FOCAD: variants seen among roughly 807,000 people sequenced by gnomAD.
FOCAD encodes the protein KIAA1797.
FOCAD carries 198 observed loss-of-function variants against 225.6 expected under a neutral mutation model. The observed-to-expected ratio is 0.88, with a 90% CI of 0.78 to 0.99. FOCAD has a LOEUF of 0.99. Ranked by LOEUF, FOCAD falls within the 50% of genes least tolerant of loss-of-function variation. The pLI, the probability that FOCAD is intolerant of heterozygous loss-of-function variation, is 0.00. For missense variants in FOCAD, 2,713 were observed against 2,123.6 expected, an observed-to-expected ratio of 1.28 and a Z score of -5.46; for synonymous variants, 897 against 755.0, an observed-to-expected ratio of 1.19 and a Z score of -3.08.
upstream of FOCAD, among the ~76,000 whole-genome samples, chr9:20,682,224 T>C (rs887915558): frequency 6.6e-6 from 1 of 152,226 alleles, no homozygotes; most frequent in African/African-American, 2.4e-5. Flanking sequence ...GTTTATAAAT[T>C]ACCCAGTCTA....
intron 35 of FOCAD, among the ~76,000 whole-genome samples, chr9:20,971,590 C>G (rs1369876275): frequency 6.6e-6 from 1 of 152,026 alleles, no homozygotes; most frequent in Non-Finnish European, 1.5e-5. Flanking sequence ...CAGGCATGCA[C>G]CACCATGCCC....
chr9:20,720,255 C>A, intron 3 of FOCAD, 125 bp from the exon 4 acceptor site: 1 of 899,380 alleles, frequency 1.1e-6, no homozygotes, highest in Non-Finnish European at 1.7e-6. Context: ...GTGACAACAG[C>A]ATCATCTTTA....
intron 15 of FOCAD, among the ~76,000 whole-genome samples, chr9:20,833,932 A>G (rs1825747233): frequency 6.6e-6 from 1 of 152,148 alleles, no homozygotes. Context: ...AGCATTATGC[A>G]GTTTCTTATA....
At chr9:20,845,442 G>GAGATATATATATATAT (rs368497237) in intron 15 of FOCAD, among the ~76,000 whole-genome samples, 47 of 121,252 alleles carry the variant, frequency 3.9e-4, no homozygotes, top group African/African-American at 1.1e-3. Flanking sequence ...TCTTTTCCTC[G>GAGATATATATATATAT]ATATATATAT....
chr9:20,811,212 AG>A (rs1823032425), intron 11 of FOCAD, among the ~76,000 whole-genome samples: 1 of 152,090 alleles, frequency 6.6e-6, no homozygotes, highest in Non-Finnish European at 1.5e-5. Context: ...AAGGTCTATG[AG>A]ATGTCATCCC....
intron 15 of FOCAD, among the ~76,000 whole-genome samples, chr9:20,853,699 G>C (rs748613524): frequency 2.6e-5 from 4 of 151,688 alleles, no homozygotes; most frequent in Non-Finnish European, 5.9e-5. Context: ...TTATAAGTGA[G>C]TTTTAAAAAG....
chr9:20,795,441 T>C (rs1159450311), intron 11 of FOCAD, among the ~76,000 whole-genome samples: 7 of 152,032 alleles, frequency 4.6e-5, no homozygotes, highest in Non-Finnish European at 1.5e-5. Context: ...AGACCTGAAA[T>C]TGAAAATTAA....
At chr9:20,990,659 G>A (rs1160254385) in intron 42 of FOCAD, among the ~76,000 whole-genome samples, 2 of 152,208 alleles carry the variant, frequency 1.3e-5, no homozygotes, top group African/African-American at 4.8e-5. Flanking sequence ...CTTGATCCTG[G>A]GGAGGAAAGG....
intron 15 of FOCAD, among the ~76,000 whole-genome samples, chr9:20,854,450 A>G (rs1543677): frequency 0.19 from 28,551 of 151,566 alleles, 3,306 homozygotes; most frequent in Non-Finnish European, 0.26. Flanking sequence ...AGCTGGGGAA[A>G]GAGTTTGAGG....
intron 2 of FOCAD, among the ~76,000 whole-genome samples, chr9:20,678,577 C>T (rs1420246568): frequency 2.0e-5 from 3 of 152,064 alleles, no homozygotes; most frequent in Non-Finnish European, 4.4e-5. Context: ...CTCTTTTTGC[C>T]CCTTCACAGT....
intron 21 of FOCAD, among the ~76,000 whole-genome samples, chr9:20,901,394 T>C (rs1202411273): frequency 6.6e-6 from 1 of 151,932 alleles, no homozygotes; most frequent in East Asian, 1.9e-4. Flanking sequence ...CTTAGTTTAC[T>C]TGTCAATTTT....
chr9:20,687,050 T>G (rs1822711728), intron 1 of FOCAD, among the ~76,000 whole-genome samples: 1 of 152,094 alleles, frequency 6.6e-6, no homozygotes, highest in South Asian at 2.1e-4. Flanking sequence ...AAAATTGTGT[T>G]TATGATTTTA....
At position 20,857,395 on chromosome 9, in the gene FOCAD, T is replaced by C. The variant is rs115143440; in HGVS notation, c.1921-5183T>C. On this transcript the variant is annotated intron_variant, in intron 15 of 43. Transcript: ENST00000338382. Reference sequence around the variant, plus strand: ...TTCCTTTCTTGGTTTCTTTTTCAGATTGTCCATTGTTGGCATATAGAAATG... The same window carrying C: ...TTCCTTTCTTGGTTTCTTTTTCAGACTGTCCATTGTTGGCATATAGAAATG... 7.5e-3 allele frequency among the ~76,000 whole-genome samples: 1,137 copies of C among 152,134 alleles called. 16 individuals carry two copies. The highest frequency in any genetic ancestry group is 0.026 in the African/African-American group (1,081 of 41,554).
intron 11 of FOCAD, among the ~76,000 whole-genome samples, chr9:20,812,051 G>A (rs1564020517): frequency 6.6e-6 from 1 of 152,060 alleles, no homozygotes; most frequent in Non-Finnish European, 1.5e-5. Context: ...AAGGGCTTAT[G>A]CAAAGTTGAG....
At chr9:20,797,592 A>G (rs1367265212) in intron 11 of FOCAD, among the ~76,000 whole-genome samples, 1 of 152,102 alleles carries the variant, frequency 6.6e-6, no homozygotes, top group Admixed American at 6.5e-5. Flanking sequence ...ATGAATGGGA[A>G]TTCACTCATG....
chr9:20,715,688 G>C (rs1391221691), intron 2 of FOCAD, among the ~76,000 whole-genome samples: 2 of 151,590 alleles, frequency 1.3e-5, no homozygotes, highest in African/African-American at 4.8e-5. Context: ...GAATATGTTT[G>C]TTTGGTTTTT....
At position 20,866,917 on chromosome 9, in the gene FOCAD, T is replaced by TTAAACAAAAA; in HGVS notation, c.2107-12_2107-11insTAAACAAAAA. 2.6e-6 allele frequency: 2 copies of TTAAACAAAAA among 764,972 alleles called. No homozygotes were observed. The highest frequency in any genetic ancestry group is 4.0e-6 in the Non-Finnish European group (2 of 498,468). The allele number at this position is 764,972 out of a possible 1,614,324, so 47.4% of individuals were successfully genotyped here. A position where few individuals can be genotyped will look rare whatever the true frequency, so the allele number is the denominator to read the frequency against. On this transcript the variant is annotated splice_polypyrimidine_tract_variant and intron_variant, in intron 17 of 43. Transcript: ENST00000338382. Reference sequence around the variant, plus strand: ...TTTTTTTTTTTTTTTTTTTTTTTTTTACCCTATCTAGGACCCAATTGTAGC... The same window carrying TTAAACAAAAA: ...TTTTTTTTTTTTTTTTTTTTTTTTTTTAAACAAAAAACCCTATCTAGGACCCAATTGTAGC...
At chr9:20,775,227 T>C (rs578147792) in intron 8 of FOCAD, among the ~76,000 whole-genome samples, 123 of 152,368 alleles carry the variant, frequency 8.1e-4, no homozygotes, top group African/African-American at 2.9e-3. Context: ...ATTTTTAGCC[T>C]GATTAGAATA....
At chr9:20,692,761 C>T (rs547726964) in intron 1 of FOCAD, among the ~76,000 whole-genome samples, 9 of 152,222 alleles carry the variant, frequency 5.9e-5, no homozygotes, top group East Asian at 5.8e-4. Flanking sequence ...CTTTTGAGGC[C>T]GGGACTTAGA....
Sources: gnomAD v4.1 joint callset for allele counts (sites outside exome capture counted in the v4.1 genomes callset) on GRCh38, gnomAD v4.1.1 for gene constraint, MANE v1.5 for transcripts, NCBI Gene and HGNC (gene_info 2026-07-23, HGNC 2026-07-21) for gene names.